The following CSF2RB variants were observed in gnomAD, a reference collection of about 807,000 sequenced individuals.
CSF2RB encodes cytokine receptor common subunit beta.
A neutral mutation model predicts 67.2 loss-of-function variants in CSF2RB; 22 were observed. The observed-to-expected ratio is 0.33, with a 90% CI of 0.23 to 0.47. CSF2RB has a LOEUF of 0.47. Among genes scored for constraint, CSF2RB ranks in the 20% least tolerant of loss-of-function variants. The pLI, the probability that CSF2RB is intolerant of heterozygous loss-of-function variation, is 1.00. For synonymous variants in CSF2RB, 507 were observed against 482.9 expected, an observed-to-expected ratio of 1.05 and a Z score of -0.65; for missense variants, 1,113 against 1,174.5, an observed-to-expected ratio of 0.95 and a Z score of 0.76.
At position 36,928,404 on chromosome 22, in the gene CSF2RB, C is replaced by T. The variant is rs148786287; in HGVS notation, c.392-998C>T. Among the ~76,000 whole-genome samples, 36 of 152,224 alleles carry T rather than the reference C, an allele frequency of 2.4e-4. No individual in the cohort carries two copies. In the East Asian group the frequency reaches 5.8e-3, roughly 25 times the overall value. On this transcript the variant is annotated intron_variant, in intron 4 of 13. Transcript: ENST00000403662. ...TGGGAGTGCAGTGACCCATGAGGGA[C>T]GCCTGTCCTGGCTGTGGGTGAGGAG...
chr22:36,923,624 T>G (rs1773973290), intron 3 of CSF2RB: 4 of 884,018 alleles, frequency 4.5e-6, no homozygotes, highest in Non-Finnish European at 5.4e-6. Flanking sequence ...GTGGCAATGG[T>G]GAAAATCTTC....
At chr22:36,922,393 C>A in intron 2 of CSF2RB, 110 bp downstream of exon 2, 1 of 1,006,782 alleles carries the variant, frequency 9.9e-7, no homozygotes, top group Non-Finnish European at 1.5e-6. Flanking sequence ...TCCTCCTGCT[C>A]CCCTCCCTCT....
intron 4 of CSF2RB, among the ~76,000 whole-genome samples, chr22:36,928,329 C>T (rs1002565189): frequency 1.5e-4 from 23 of 152,064 alleles, no homozygotes; most frequent in Admixed American, 1.2e-3. Flanking sequence ...TGGCAGCTTC[C>T]GAGAGGGCTC....
chr22:36,926,912 C>T (rs1941029883), intron 4 of CSF2RB, among the ~76,000 whole-genome samples: 1 of 145,596 alleles, frequency 6.9e-6, no homozygotes, highest in South Asian at 2.3e-4. Context: ...TGGTGGCAGG[C>T]TGGTAGGAGG....
In CSF2RB at chr22:36,936,604, G is replaced by C. The variant is rs1289643044; in HGVS notation, c.1520G>C (p.Ser507Thr). Residue 507 changes from serine to threonine, a missense_variant, in exon 13 of 14, where the codon AGT becomes ACT. Coordinates refer to ENST00000403662, the MANE Select transcript of CSF2RB (RefSeq NM_000395.3). Reference protein sequence around the residue: ...PGSMSAFTSGSPPHQGPWGSR... With the variant: ...PGSMSAFTSGTPPHQGPWGSR... ...AGCATGTCGGCCTTCACTAGCGGGA[G>C]TCCCCCACACCAGGGGCCGTGGGGC... The C allele has an allele frequency of 6.2e-7, 1 of 1,613,696 alleles. No individual in the cohort carries two copies. Among genetic ancestry groups the C allele is most frequent in the South Asian group, 1.1e-5 (1 of 91,066 alleles).
chr22:36,925,874 A>T, intron 3 of CSF2RB, 113 bp from the exon 4 acceptor site: 1 of 1,195,322 alleles, frequency 8.4e-7, no homozygotes, highest in Non-Finnish European at 1.2e-6. Flanking sequence ...GTGTTTTATC[A>T]CTGCTGGCCC....
intron 3 of CSF2RB, chr22:36,923,650 A>G: frequency 1.4e-6 from 2 of 1,383,866 alleles, no homozygotes; most frequent in South Asian, 1.2e-5. Context: ...TTTCATCACA[A>G]TTTAACACAA....
rs1280710772 is a variant in CSF2RB at position 36,939,293 on chromosome 22, G to C, written c.*791G>C. On this transcript the variant is annotated 3_prime_UTR_variant, in exon 14 of 14. Transcript: ENST00000403662. The stretch of plus-strand genomic sequence containing the variant: ...GTGGTGGGCAGGCTGGCGGGACCTG[G>C]GGAACATCAGGAGAGGAGTCCAGAG... The C allele has an allele frequency of 2.9e-6, 2 of 701,628 alleles. No individual in the cohort carries two copies. Among genetic ancestry groups the C allele is most frequent in the African/African-American group, 3.5e-5 (2 of 57,212 alleles). 43.5% of individuals were successfully genotyped at this position (701,628 alleles called of 1,614,324 possible).
chr22:36,928,117 G>A (rs925128530), intron 4 of CSF2RB, among the ~76,000 whole-genome samples: 3 of 152,180 alleles, frequency 2.0e-5, no homozygotes, highest in Admixed American at 6.5e-5. Flanking sequence ...ATGCAGATTA[G>A]CAATGAATCA....
intron 1 of CSF2RB, among the ~76,000 whole-genome samples, chr22:36,918,327 G>A (rs1013301235): frequency 1.3e-5 from 2 of 152,094 alleles, no homozygotes; most frequent in Admixed American, 6.5e-5. Context: ...TTTTCCCTTG[G>A]TATTTTCAAG....
intron 7 of CSF2RB, 23 bp from the exon 8 acceptor site, chr22:36,930,650 C>T (rs1316871615): frequency 6.2e-7 from 1 of 1,611,922 alleles, no homozygotes; most frequent in Non-Finnish European, 8.5e-7. Flanking sequence ...TCTCCCTGCC[C>T]TCAGCTCTGC....
At position 36,938,720 on chromosome 22, in the gene CSF2RB, C is replaced by T. The variant is rs1941329397; in HGVS notation, c.*218C>T. The T allele has an allele frequency of 5.2e-6, 3 of 571,948 alleles. No homozygotes were observed. The highest frequency in any genetic ancestry group is 1.9e-5 in the African/African-American group (1 of 53,624). 35.4% of individuals were successfully genotyped at this position (571,948 alleles called of 1,614,324 possible). A position where few individuals can be genotyped will look rare whatever the true frequency, so the allele number is the denominator to read the frequency against. ...ACACACACACACACGTACATGCACA[C>T]ATTTTTCCTGTCAGGTTAACTTATT... is the stretch of plus-strand genomic sequence containing the variant. On this transcript the variant is annotated 3_prime_UTR_variant, in exon 14 of 14. Transcript: ENST00000403662.
In CSF2RB at chr22:36,930,759, C is replaced by G; in HGVS notation, c.941C>G (p.Ala314Gly). 6.2e-7 allele frequency: 1 copy of G among 1,614,002 alleles called. No homozygotes were observed. The highest frequency in any genetic ancestry group is 1.7e-5 in the Admixed American group (1 of 60,020). The change falls in exon 8 of 14, where the codon GCG (alanine) becomes GGG (glycine). Residue 314 changes from alanine to glycine, a missense_variant. Coordinates refer to ENST00000403662, the MANE Select transcript of CSF2RB (RefSeq NM_000395.3). Reference sequence around the variant, plus strand: ...TGCCAGATTCCCGTGCCCGACCCCGCGACCCACGGCCAATACATCGTCTCT... The same window carrying G: ...TGCCAGATTCCCGTGCCCGACCCCGGGACCCACGGCCAATACATCGTCTCT... ...HHCQIPVPDP[A>G]THGQYIVSVQ...
At chr22:36,929,368 A>G in intron 4 of CSF2RB, 34 bp from the exon 5 acceptor site, 1 of 1,614,088 alleles carries the variant, frequency 6.2e-7, no homozygotes, top group East Asian at 2.2e-5. Context: ...CCAGCGGTCC[A>G]GCCCTTAGGT....
Position 36,932,050 on chromosome 22 carries a change from G to A in CSF2RB, c.1013-715G>A, listed in dbSNP as rs1941155444. On this transcript the variant is annotated intron_variant, in intron 8 of 13. Coordinates refer to ENST00000403662, the MANE Select transcript of CSF2RB (RefSeq NM_000395.3). The stretch of plus-strand genomic sequence containing the variant: ...GTTCTGTGACTCAGTTTCCCTGTTT[G>A]TGAAAAGTGAAGGTTAATAGTACCC... Among the ~76,000 whole-genome samples, 3 of 152,228 alleles carry A rather than the reference G, an allele frequency of 2.0e-5. No individual in the cohort carries two copies. The South Asian group carries it at 6.2e-4, about 32-fold the overall frequency.
At chr22:36,927,338 C>T (rs548232211) in intron 4 of CSF2RB, among the ~76,000 whole-genome samples, 6 of 152,126 alleles carry the variant, frequency 3.9e-5, no homozygotes, top group South Asian at 4.1e-4. Context: ...TGCCGTCCAC[C>T]GTGAGAACTT....
At position 36,938,931 on chromosome 22, in the gene CSF2RB, T is replaced by C; in HGVS notation, c.*429T>C. 13 of 596,174 alleles carry C rather than the reference T, an allele frequency of 2.2e-5. No individual in the cohort carries two copies. Among genetic ancestry groups the C allele is most frequent in the Non-Finnish European group, 3.9e-5 (13 of 333,578 alleles). The allele number at this position is 596,174 out of a possible 1,614,324, so 36.9% of individuals were successfully genotyped here. A position where few individuals can be genotyped will look rare whatever the true frequency, so the allele number is the denominator to read the frequency against. ...GATGCGGCTGGTTGTGTTGAGGACT[T>C]GTGTGGGCTGCCTGTCCCCGGCAGT... On this transcript the variant is annotated 3_prime_UTR_variant, in exon 14 of 14. Coordinates refer to ENST00000403662, the MANE Select transcript of CSF2RB (RefSeq NM_000395.3).
intron 1 of CSF2RB, among the ~76,000 whole-genome samples, chr22:36,920,056 A>G (rs1353418703): frequency 6.6e-6 from 1 of 152,194 alleles, no homozygotes; most frequent in African/African-American, 2.4e-5. Context: ...CAATTACATA[A>G]CATCCCACCC....
chr22:36,938,090 CA>C lies in CSF2RB; in HGVS notation c.2283del (p.Phe763LeufsTer32). 1 of 1,614,048 alleles carries C rather than the reference CA, an allele frequency of 6.2e-7. No homozygotes were observed. ...GPPGAPGPVK[S>X]GFEGYVELPP... The stretch of plus-strand genomic sequence containing the variant: ...CCTGGAGCCCCAGGCCCTGTGAAGT[CA>C]GGGTTTGAGGGCTATGTGGAGCTCC... On this transcript the variant is annotated frameshift_variant, in exon 14 of 14. Coordinates refer to ENST00000403662, the MANE Select transcript of CSF2RB (RefSeq NM_000395.3). LOFTEE classifies it low-confidence loss of function (END_TRUNC).
Sources: allele counts gnomAD v4.1 joint callset (sites outside exome capture counted in the v4.1 genomes callset), GRCh38; gene constraint gnomAD v4.1.1; transcripts MANE v1.5; gene names NCBI Gene and HGNC (gene_info 2026-07-23, HGNC 2026-07-21).